Variants in WWP1 observed in about 807,000 individuals in gnomAD.
WWP1 encodes the protein WW domain containing E3 ubiquitin protein ligase 1.
WWP1 carries 49 observed loss-of-function variants against 130.6 expected under a neutral mutation model. The observed-to-expected ratio is 0.38, with a 90% confidence interval of 0.30 to 0.48. WWP1 has a LOEUF of 0.48. WWP1 is among the 20% of genes least tolerant of loss of function. The pLI, the probability that WWP1 is intolerant of heterozygous loss-of-function variation, is 0.99. For synonymous variants in WWP1, 332 were observed against 367.8 expected (o/e 0.90, Z 1.11); for missense variants, 809 against 1,100.6 (o/e 0.74, Z 3.75).
intron 9 of WWP1, among the ~76,000 whole-genome samples, chr8:86,423,994 AC>A (rs1809420193): frequency 3.5e-4 from 15 of 42,872 alleles, no homozygotes; most frequent in Non-Finnish European, 6.4e-4. Context: ...GCTGCCCCCC[AC>A]CTCCCTCCCG....
At position 86,377,300 on chromosome 8, in the gene WWP1, G is replaced by A. The variant is rs191271632; in HGVS notation, c.70+3180G>A. Among the ~76,000 whole-genome samples, 457 of 147,302 alleles carry A rather than the reference G, an allele frequency of 3.1e-3. 2 individuals carry two copies. The highest frequency in any genetic ancestry group is 0.011 in the African/African-American group (435 of 39,746). ...TTCAGTAGATACGGGGTTTCACCGT[G>A]TTGGCCAGGCTGGTCTCGAACTCCT... On this transcript the variant is annotated intron_variant, in intron 3 of 24. Coordinates refer to ENST00000517970, the MANE Select transcript of WWP1 (RefSeq NM_007013.4).
intron 1 of WWP1, among the ~76,000 whole-genome samples, chr8:86,343,643 G>A (rs944369096): frequency 6.6e-6 from 1 of 151,966 alleles, no homozygotes; most frequent in Non-Finnish European, 1.5e-5. Flanking sequence ...TTGCTCTGCC[G>A]ATTTGGAGTT....
At chr8:86,367,403 C>T (rs1173319049) in intron 1 of WWP1, among the ~76,000 whole-genome samples, 1 of 152,142 alleles carries the variant, frequency 6.6e-6, no homozygotes, top group Non-Finnish European at 1.5e-5. Flanking sequence ...CTTTCTCTTT[C>T]TTTCTTTCAC....
chr8:86,359,918 G>T (rs1265258323), intron 1 of WWP1, among the ~76,000 whole-genome samples: 1 of 151,800 alleles, frequency 6.6e-6, no homozygotes, highest in Admixed American at 6.6e-5. Flanking sequence ...GCGTGGTGGC[G>T]GGCGCCTGTA....
chr8:86,454,262 A>G (rs1303262328), intron 21 of WWP1, among the ~76,000 whole-genome samples: 4 of 152,182 alleles, frequency 2.6e-5, no homozygotes, highest in African/African-American at 9.6e-5. Flanking sequence ...ATGCTATGGT[A>G]AATAGTTGTT....
intron 1 of WWP1, among the ~76,000 whole-genome samples, chr8:86,343,815 T>C (rs967683566): frequency 6.6e-6 from 1 of 152,186 alleles, no homozygotes; most frequent in Non-Finnish European, 1.5e-5. Context: ...TCTGTGTGTG[T>C]GTAGGTTAAT....
intron 5 of WWP1, among the ~76,000 whole-genome samples, chr8:86,382,426 T>G (rs1033509234): frequency 6.6e-6 from 1 of 151,936 alleles, no homozygotes; most frequent in Non-Finnish European, 1.5e-5. Context: ...TAGCTGGGGG[T>G]GGTGGCTCAT....
intron 1 of WWP1, among the ~76,000 whole-genome samples, chr8:86,355,571 G>C (rs1586243843): frequency 6.6e-6 from 1 of 152,324 alleles, no homozygotes; most frequent in East Asian, 1.9e-4. Context: ...TTATACTGAA[G>C]TTTGATCTTC....
chr8:86,410,697 C>G (rs959555459), intron 8 of WWP1, among the ~76,000 whole-genome samples: 8 of 115,612 alleles, frequency 6.9e-5, no homozygotes, highest in African/African-American at 2.5e-4. Context: ...TCATTTTCTT[C>G]TACTTACTTT....
Position 86,402,086 on chromosome 8 carries a change from T to C in WWP1, c.607T>C (p.Cys203Arg), listed in dbSNP as rs1470977573. 1.9e-6 allele frequency: 3 copies of C among 1,613,988 alleles called. No homozygotes were observed. Among genetic ancestry groups the C allele is most frequent in the Non-Finnish European group, 2.5e-6 (3 of 1,180,016 alleles). ...VPTSTLVQNS[C>R]CSYVVNGDNT... ...TACAAGCACTCTAGTCCAAAACTCATGCTGCTCGTATGTAGTTAATGGAGA... is the reference window on the plus strand; with the variant it reads ...TACAAGCACTCTAGTCCAAAACTCACGCTGCTCGTATGTAGTTAATGGAGA... Residue 203 changes from cysteine to arginine, a missense_variant, in exon 8 of 25, where the codon TGC becomes CGC. Transcript: ENST00000517970.
chr8:86,462,323 A>T (rs1389303323), intron 24 of WWP1, among the ~76,000 whole-genome samples: 1 of 152,226 alleles, frequency 6.6e-6, no homozygotes, highest in Non-Finnish European at 1.5e-5. Context: ...ATGATGTGGG[A>T]GTACGCAGAG....
chr8:86,398,739 T>C lies in WWP1; in HGVS notation c.539+101T>C, dbSNP rs1194127877. 6.3e-6 allele frequency: 8 copies of C among 1,261,912 alleles called. No individual in the cohort carries two copies. The African/African-American group carries it at 7.6e-5, about 12-fold the overall frequency. The allele number at this position is 1,261,912 out of a possible 1,614,324, so 78.2% of individuals were successfully genotyped here. A position where few individuals can be genotyped will look rare whatever the true frequency, so the allele number is the denominator to read the frequency against. On this transcript the variant is annotated intron_variant, in intron 7 of 24. Coordinates refer to ENST00000517970, the MANE Select transcript of WWP1 (RefSeq NM_007013.4). Reference sequence around the variant, plus strand: ...CCTTAGTTTAGAATTTGCCACACAGTTTAGAAGCTTATGTCTAAGCATGTC... The same window carrying C: ...CCTTAGTTTAGAATTTGCCACACAGCTTAGAAGCTTATGTCTAAGCATGTC...
intron 5 of WWP1, among the ~76,000 whole-genome samples, chr8:86,396,375 A>G (rs1404628173): frequency 1.3e-5 from 2 of 152,170 alleles, no homozygotes. Context: ...CTGGGATTAC[A>G]GGCGTGAGCC....
intron 7 of WWP1, among the ~76,000 whole-genome samples, chr8:86,399,065 T>G (rs1408622346): frequency 6.6e-6 from 1 of 152,204 alleles, no homozygotes; most frequent in East Asian, 1.9e-4. Flanking sequence ...ATATGTGACC[T>G]TTTGTGACTG....
At chr8:86,394,095 A>G (rs191013628) in intron 5 of WWP1, among the ~76,000 whole-genome samples, 68 of 152,364 alleles carry the variant, frequency 4.5e-4, no homozygotes, top group Middle Eastern at 3.4e-3. Context: ...ATTTTTAGCC[A>G]GTAAGTTTCA....
chr8:86,346,183 G>A (rs928112419), intron 1 of WWP1, among the ~76,000 whole-genome samples: 1 of 152,180 alleles, frequency 6.6e-6, no homozygotes, highest in African/African-American at 2.4e-5. Flanking sequence ...GGATGAATTG[G>A]GTAGAGAAGA....
chr8:86,403,210 T>G (rs568199625), intron 8 of WWP1, among the ~76,000 whole-genome samples: 1 of 152,322 alleles, frequency 6.6e-6, no homozygotes, highest in African/African-American at 2.4e-5. Context: ...CTCCCTGTGT[T>G]TGTCTATTTA....
chr8:86,449,667 A>T (rs551458275), intron 20 of WWP1, among the ~76,000 whole-genome samples: 197 of 152,270 alleles, frequency 1.3e-3, no homozygotes, highest in African/African-American at 4.6e-3. Flanking sequence ...CAAACTTTTC[A>T]TTTTTCCTAG....
Position 86,405,111 on chromosome 8 carries a change from A to G in WWP1, c.724+2908A>G, listed in dbSNP as rs576141141. On this transcript the variant is annotated intron_variant, in intron 8 of 24. Transcript: ENST00000517970. Reference sequence around the variant, plus strand: ...ATGATTGTTCATCACTTAATAAAGGATGAATTCAGGTATCTTTTCAAGGAG... The same window carrying G: ...ATGATTGTTCATCACTTAATAAAGGGTGAATTCAGGTATCTTTTCAAGGAG... 3.3e-5 allele frequency: 5 copies of G among 152,312 alleles called. No individual in the cohort carries two copies. The South Asian group carries it at 1.0e-3, about 32-fold the overall frequency. 9.4% of individuals were successfully genotyped at this position (152,312 alleles called of 1,614,324 possible).
Sources: gnomAD v4.1 joint callset for allele counts (sites outside exome capture counted in the v4.1 genomes callset) on GRCh38, gnomAD v4.1.1 for gene constraint, MANE v1.5 for transcripts, NCBI Gene and HGNC (gene_info 2026-07-23, HGNC 2026-07-21) for gene names.